Variants in CHRM3 observed in about 807,000 individuals in gnomAD.
CHRM3 encodes cholinergic receptor muscarinic 3, also known as muscarinic acetylcholine receptor M3.
In CHRM3, 11 loss-of-function variants were observed where a neutral mutation model predicts 41.8. That is an observed-to-expected ratio of 0.26 (90% CI 0.17 to 0.44). CHRM3 has a LOEUF of 0.44. Ranked by LOEUF, CHRM3 falls within the 20% of genes least tolerant of loss-of-function variation. The probability of loss-of-function intolerance (pLI) is 1.00; values close to 1 mark genes in which losing one functional copy is unlikely to be tolerated. For synonymous variants in CHRM3, 297 were observed against 301.4 expected (o/e 0.99, Z 0.15); for missense variants, 571 against 745.4 (o/e 0.77, Z 2.72).
At chr1:239,509,029 A>G (rs1052208107) in intron 2 of CHRM3, among the ~76,000 whole-genome samples, 2 of 152,196 alleles carry the variant, frequency 1.3e-5, no homozygotes, top group Non-Finnish European at 2.9e-5. Context: ...GCCTCATCCT[A>G]TGTAAAATGC....
Position 239,908,352 on chromosome 1 carries a change from A to G in CHRM3, c.901A>G (p.Lys301Glu). ...SSYELQQQSMKRSNRRKYGRC... is the reference protein window; with the variant it reads ...SSYELQQQSMERSNRRKYGRC... ...TTACGAACTTCAACAGCAAAGCATG[A>G]AACGCTCCAACAGGAGGAAGTATGG... The change falls in exon 7 of 7, where the codon AAA becomes GAA. Residue 301 changes from lysine (K) to glutamate (E), a missense_variant. Around this residue, in one of 5 missense-constraint regions of CHRM3, gnomAD observed 239 missense variants for 239.6 expected, o/e 1.00. Coordinates refer to ENST00000676153, the MANE Select transcript of CHRM3 (RefSeq NM_001375978.1). The surrounding 1 kb of genome is among the most constrained non-coding windows in gnomAD (Gnocchi z 7.2). The G allele has an allele frequency of 6.2e-7, 1 of 1,614,080 alleles. No homozygotes were observed. The highest frequency in any genetic ancestry group is 8.5e-7 in the Non-Finnish European group (1 of 1,180,036).
At chr1:239,769,672 A>T (rs909013667) in intron 5 of CHRM3, among the ~76,000 whole-genome samples, 1 of 150,394 alleles carries the variant, frequency 6.6e-6, no homozygotes, top group Non-Finnish European at 1.5e-5. Flanking sequence ...ACCTGAAGTG[A>T]GGAGTTCAGG....
chr1:239,716,861 G>T (rs1662426029), intron 5 of CHRM3, among the ~76,000 whole-genome samples: 1 of 151,978 alleles, frequency 6.6e-6, no homozygotes, highest in Non-Finnish European at 1.5e-5. Context: ...TGGTTTATTT[G>T]TATGTGTATT....
chr1:239,788,322 G>T (rs530365141), intron 5 of CHRM3, among the ~76,000 whole-genome samples: 127 of 152,252 alleles, frequency 8.3e-4, no homozygotes, highest in African/African-American at 2.9e-3. Flanking sequence ...TTAATATTGA[G>T]AAAGCAGACA....
At chr1:239,404,274 GC>G (rs1283462788) in intron 1 of CHRM3, among the ~76,000 whole-genome samples, 1 of 147,364 alleles carries the variant, frequency 6.8e-6, no homozygotes, top group African/African-American at 2.5e-5. Context: ...GGGTGACAGA[GC>G]GAGACTCTGT....
chr1:239,419,313 G>C (rs994072343), intron 1 of CHRM3, among the ~76,000 whole-genome samples: 5 of 149,596 alleles, frequency 3.3e-5, no homozygotes, highest in Non-Finnish European at 7.4e-5. Context: ...GTTTTTATAA[G>C]TACAGTCTAT....
At position 239,388,114 on chromosome 1, in the gene CHRM3, A is replaced by G. The variant is rs761084861; in HGVS notation, c.-521+887A>G. On this transcript the variant is annotated intron_variant, in intron 1 of 6. Coordinates refer to ENST00000676153, the MANE Select transcript of CHRM3 (RefSeq NM_001375978.1). ...CCTTGCACGCATTTGGAAGTGGTAG[A>G]GGCAGCAGGGATTTGGGAACTGCAT... Among the ~76,000 whole-genome samples the G allele has an allele frequency of 5.6e-4, 85 of 152,252 alleles. 2 individuals are homozygous for G. In the Middle Eastern group the frequency reaches 0.01, roughly 18 times the overall value.
In CHRM3 at chr1:239,618,273, C is replaced by CTTTTTTTTTTT. The variant is rs11413091; in HGVS notation, c.-312-13948_-312-13947insTTTTTTTTTTT. Reference sequence around the variant, plus strand: ...TAGAGAGTAGGAGTACTTTTTTTTTCTTTCTTTTTTTTTTTTTTTTTTAAT... The same window carrying CTTTTTTTTTTT: ...TAGAGAGTAGGAGTACTTTTTTTTTCTTTTTTTTTTTTTTCTTTTTTTTTTTTTTTTTTAAT... On this transcript the variant is annotated intron_variant, in intron 3 of 6. Coordinates refer to ENST00000676153, the MANE Select transcript of CHRM3 (RefSeq NM_001375978.1). Among the ~76,000 whole-genome samples the CTTTTTTTTTTT allele has an allele frequency of 3.2e-4, 36 of 112,996 alleles. 4 individuals are homozygous for CTTTTTTTTTTT. The highest frequency in any genetic ancestry group is 5.1e-4 in the African/African-American group (13 of 25,742). 74.1% of individuals were successfully genotyped at this position (112,996 alleles called of 152,430 possible). A position where few individuals can be genotyped will look rare whatever the true frequency, so the allele number is the denominator to read the frequency against.
At chr1:239,665,507 G>GT (rs1226088722) in intron 4 of CHRM3, among the ~76,000 whole-genome samples, 1 of 151,942 alleles carries the variant, frequency 6.6e-6, no homozygotes, top group Non-Finnish European at 1.5e-5. Context: ...TTACCTTTTG[G>GT]TTTTTTTGGA....
intron 1 of CHRM3, among the ~76,000 whole-genome samples, chr1:239,484,310 TACTCTTTTA>T (rs985967833): frequency 4.6e-5 from 7 of 152,220 alleles, no homozygotes; most frequent in Admixed American, 4.6e-4. Context: ...GGAGGTGCCA[TACTCTTTTA>T]AACAACCAGG....
At chr1:239,829,302 A>G (rs1672713769) in intron 6 of CHRM3, among the ~76,000 whole-genome samples, 1 of 152,152 alleles carries the variant, frequency 6.6e-6, no homozygotes, top group Non-Finnish European at 1.5e-5. Context: ...TCTCCTACCA[A>G]AAGCTATAGT....
intron 3 of CHRM3, among the ~76,000 whole-genome samples, chr1:239,627,768 G>C (rs1195662429): frequency 1.4e-5 from 2 of 142,310 alleles, no homozygotes; most frequent in Non-Finnish European, 1.5e-5. Flanking sequence ...ATGAAGCTTA[G>C]TTTGGCTGGA....
chr1:239,392,125 C>T (rs1381352776), intron 1 of CHRM3, among the ~76,000 whole-genome samples: 1 of 152,184 alleles, frequency 6.6e-6, no homozygotes, highest in Non-Finnish European at 1.5e-5. Flanking sequence ...TTGCCAAGAA[C>T]TTCTCTCCAG....
chr1:239,552,627 ATATTATTATTATTAT>A (rs78726802), intron 3 of CHRM3, among the ~76,000 whole-genome samples: 11 of 139,760 alleles, frequency 7.9e-5, no homozygotes, highest in Non-Finnish European at 1.4e-4. Flanking sequence ...CACCTGACTA[ATATTATTATTATTAT>A]TATTATTATT....
At chr1:239,400,950 A>C (rs771658222) in intron 1 of CHRM3, among the ~76,000 whole-genome samples, 1 of 152,210 alleles carries the variant, frequency 6.6e-6, no homozygotes, top group Non-Finnish European at 1.5e-5. Flanking sequence ...GATGTCGCAG[A>C]AGCTCAGTGA....
In CHRM3 at chr1:239,743,793, T is replaced by C. The variant is rs868422930; in HGVS notation, c.-147+65505T>C. On this transcript the variant is annotated intron_variant, in intron 5 of 6. Coordinates refer to ENST00000676153, the MANE Select transcript of CHRM3 (RefSeq NM_001375978.1). ...TTTCTTTTTCTTTTTTTTTTCTTTTTTTTTTTTTTTTTTTTTTGAGGCAGG... is the reference window on the plus strand; with the variant it reads ...TTTCTTTTTCTTTTTTTTTTCTTTTCTTTTTTTTTTTTTTTTTGAGGCAGG... Among the ~76,000 whole-genome samples, 635 of 130,608 alleles carry C rather than the reference T, an allele frequency of 4.9e-3. 2 individuals carry two copies. The highest frequency in any genetic ancestry group is 7.9e-3 in the Non-Finnish European group (483 of 61,084). 85.7% of individuals were successfully genotyped at this position (130,608 alleles called of 152,430 possible). A position where few individuals can be genotyped will look rare whatever the true frequency, so the allele number is the denominator to read the frequency against.
At chr1:239,605,462 A>G (rs1666133889) in intron 3 of CHRM3, among the ~76,000 whole-genome samples, 1 of 152,184 alleles carries the variant, frequency 6.6e-6, no homozygotes, top group Admixed American at 6.5e-5. Context: ...CAATGTTCCC[A>G]TAAAGAGGAA....
At chr1:239,419,824 C>T (rs1364096873) in intron 1 of CHRM3, among the ~76,000 whole-genome samples, 2 of 152,166 alleles carry the variant, frequency 1.3e-5, no homozygotes, top group South Asian at 2.1e-4. Context: ...AAGAGCTTCT[C>T]GAGGGAACCA....
chr1:239,695,267 C>T (rs1660081493), intron 5 of CHRM3, among the ~76,000 whole-genome samples: 1 of 152,140 alleles, frequency 6.6e-6, no homozygotes, highest in Non-Finnish European at 1.5e-5. Flanking sequence ...GCCTCCGCCT[C>T]CCAAAGTGCT....
Sources: gnomAD v4.1 joint callset for allele counts (sites outside exome capture counted in the v4.1 genomes callset) on GRCh38, gnomAD v4.1.1 for gene constraint, gnomAD v4.1.1 regional missense constraint, Gnocchi (gnomAD v3.1) non-coding constraint, MANE v1.5 for transcripts, NCBI Gene and HGNC (gene_info 2026-07-23, HGNC 2026-07-21) for gene names.